CACNA1E: variants seen among roughly 807,000 people sequenced by gnomAD.
The protein encoded by CACNA1E is voltage-dependent R-type calcium channel subunit alpha-1E.
Under a neutral mutation model 259.2 loss-of-function variants are expected in CACNA1E, and 40 were observed. The observed-to-expected ratio is 0.15, with a 90% CI of 0.12 to 0.20. CACNA1E has a LOEUF of 0.20. Ranked by LOEUF, CACNA1E falls within the 10% of genes least tolerant of loss-of-function variation. The pLI is 1.00. For synonymous variants in CACNA1E, 1,104 were observed against 1,138.5 expected (o/e 0.97, Z 0.61); for missense variants, 1,874 against 3,040.1 (o/e 0.62, Z 9.02).
rs114870411 is a variant in CACNA1E at position 181,675,020 on chromosome 1, A to G, written c.1055+23579A>G. ...TTATAATTAAACAATCAATTTAGCA[A>G]ATTTTCTTTGGGGATTTCCTTTCCT... On this transcript the variant is annotated intron_variant, in intron 7 of 47. Coordinates refer to ENST00000367573, the MANE Select transcript of CACNA1E (RefSeq NM_001205293.3). Among the ~76,000 whole-genome samples the G allele has an allele frequency of 6.0e-3, 916 of 152,192 alleles. 9 individuals are homozygous for G. Among genetic ancestry groups the G allele is most frequent in the African/African-American group, 0.021 (877 of 41,500 alleles).
chr1:181,663,323 G>A (rs1647874813), intron 7 of CACNA1E, among the ~76,000 whole-genome samples: 1 of 152,210 alleles, frequency 6.6e-6, no homozygotes, highest in Non-Finnish European at 1.5e-5. Context: ...GAGACTGAGA[G>A]TGGCTAAGAG....
At position 181,666,223 on chromosome 1, in the gene CACNA1E, T is replaced by G. The variant is rs185382574; in HGVS notation, c.1055+14782T>G. 3.3e-5 allele frequency among the ~76,000 whole-genome samples: 5 copies of G among 152,288 alleles called. No individual in the cohort carries two copies. The East Asian group carries it at 7.7e-4, about 23-fold the overall frequency. On this transcript the variant is annotated intron_variant, in intron 7 of 47. Transcript: ENST00000367573. ...ATTTAATTATAGAATTTGTATACCT[T>G]AGTTATTTATAATGGGATCCCATTG...
In CACNA1E at chr1:181,798,169, C is replaced by T. The variant is rs1441861645; in HGVS notation, c.6400-123C>T. 1.3e-6 allele frequency: 1 copy of T among 750,922 alleles called. No homozygotes were observed. The highest frequency in any genetic ancestry group is 2.2e-6 in the Non-Finnish European group (1 of 450,502). 46.5% of individuals were successfully genotyped at this position (750,922 alleles called of 1,614,324 possible). On this transcript the variant is annotated intron_variant, in intron 47 of 47. Coordinates refer to ENST00000367573, the MANE Select transcript of CACNA1E (RefSeq NM_001205293.3). This position sits in a 1 kb window ranked among gnomAD's most constrained non-coding sequence, Gnocchi z 4.2. ...TTTCCCTGAGTGGATGTGAATACTACAGGGAGCTCCAGCTCAGGCCTCTCC... is the reference window on the plus strand; with the variant it reads ...TTTCCCTGAGTGGATGTGAATACTATAGGGAGCTCCAGCTCAGGCCTCTCC...
chr1:181,556,521 C>T (rs1215586958), intron 3 of CACNA1E, among the ~76,000 whole-genome samples: 1 of 152,230 alleles, frequency 6.6e-6, no homozygotes, highest in Non-Finnish European at 1.5e-5. Flanking sequence ...GCAGGCCAGC[C>T]TGTCTCCCTG....
intron 7 of CACNA1E, among the ~76,000 whole-genome samples, chr1:181,696,891 A>C (rs1014517730): frequency 1.3e-5 from 2 of 152,224 alleles, no homozygotes; most frequent in African/African-American, 4.8e-5. Context: ...AGTGTTTTTC[A>C]TAGGAATCCA....
At chr1:181,380,337 T>G (rs2101992323) in intron 1 of CACNA1E, among the ~76,000 whole-genome samples, 1 of 152,190 alleles carries the variant, frequency 6.6e-6, no homozygotes, top group South Asian at 2.1e-4. Flanking sequence ...AAGTGGTGAC[T>G]TCAGCTTCCA....
chr1:181,654,358 C>T (rs1659015652), intron 7 of CACNA1E, among the ~76,000 whole-genome samples: 1 of 151,756 alleles, frequency 6.6e-6, no homozygotes, highest in Admixed American at 6.6e-5. Context: ...CAAAACAGAA[C>T]AGCAAAATAG....
At chr1:181,538,295 G>A (rs1052006622) in intron 3 of CACNA1E, among the ~76,000 whole-genome samples, 16 of 152,190 alleles carry the variant, frequency 1.1e-4, no homozygotes, top group Non-Finnish European at 2.1e-4. Flanking sequence ...TCAGAGAACT[G>A]AAAAATATAT....
At chr1:181,390,594 G>T (rs1656194657) in intron 1 of CACNA1E, among the ~76,000 whole-genome samples, 1 of 152,102 alleles carries the variant, frequency 6.6e-6, no homozygotes, top group African/African-American at 2.4e-5. Context: ...TGGAAGCGAG[G>T]GCTCAGAGTG....
intron 6 of CACNA1E, among the ~76,000 whole-genome samples, chr1:181,607,006 G>A (rs139040418): frequency 5.3e-5 from 8 of 152,194 alleles, no homozygotes; most frequent in East Asian, 3.9e-4. Flanking sequence ...TACCACCATT[G>A]TAACACTCCA....
intron 6 of CACNA1E, among the ~76,000 whole-genome samples, chr1:181,582,044 C>T (rs555422753): frequency 1.1e-4 from 16 of 152,192 alleles, no homozygotes; most frequent in Middle Eastern, 6.8e-3. Context: ...ACTATAATGC[C>T]CAAAGAGCAA....
At chr1:181,717,009 C>A in intron 10 of CACNA1E, 84 bp from the exon 11 acceptor site, 1 of 1,096,274 alleles carries the variant, frequency 9.1e-7, no homozygotes. Context: ...GGGACTAGAG[C>A]AGCCCATCTT....
chr1:181,355,382 G>C (rs181063203), intron 1 of CACNA1E, among the ~76,000 whole-genome samples: 1 of 152,262 alleles, frequency 6.6e-6, no homozygotes, highest in African/African-American at 2.4e-5. Flanking sequence ...GAGGTCAGGA[G>C]TTTAAGACCA....
At chr1:181,395,221 A>G (rs934708155) in intron 1 of CACNA1E, among the ~76,000 whole-genome samples, 16 of 152,198 alleles carry the variant, frequency 1.1e-4, no homozygotes, top group African/African-American at 3.9e-4. Context: ...TAGATTTAAT[A>G]GCATTCACTG....
chr1:181,567,549 A>G (rs1162569049), intron 3 of CACNA1E, among the ~76,000 whole-genome samples: 5 of 152,236 alleles, frequency 3.3e-5, no homozygotes, highest in Non-Finnish European at 5.9e-5. Flanking sequence ...TGTGTGTGAA[A>G]GAGGAGAAAG....
chr1:181,403,200 A>G (rs758971447), intron 1 of CACNA1E, among the ~76,000 whole-genome samples: 1 of 152,032 alleles, frequency 6.6e-6, no homozygotes, highest in Non-Finnish European at 1.5e-5. Flanking sequence ...AGTTCACAGT[A>G]ATAGTTATTT....
At chr1:181,520,766 A>G (rs1666943134) in intron 3 of CACNA1E, among the ~76,000 whole-genome samples, 1 of 152,198 alleles carries the variant, frequency 6.6e-6, no homozygotes. Context: ...TCCAAGAGTA[A>G]AAGTTGAAAC....
intron 1 of CACNA1E, among the ~76,000 whole-genome samples, chr1:181,380,263 C>A (rs1331018528): frequency 6.6e-6 from 1 of 151,794 alleles, no homozygotes; most frequent in East Asian, 1.9e-4. Flanking sequence ...AAACATACTG[C>A]AAATAATAAA....
At chr1:181,598,137 C>T (rs568893265) in intron 6 of CACNA1E, among the ~76,000 whole-genome samples, 160 of 152,156 alleles carry the variant, frequency 1.1e-3, no homozygotes, top group Non-Finnish European at 1.9e-3. Flanking sequence ...TAGAGGAGGA[C>T]GTGAGAGGAG....
Sources: gnomAD v4.1 joint callset for allele counts (sites outside exome capture counted in the v4.1 genomes callset) on GRCh38, gnomAD v4.1.1 for gene constraint, Gnocchi (gnomAD v3.1) non-coding constraint, MANE v1.5 for transcripts, NCBI Gene and HGNC (gene_info 2026-07-23, HGNC 2026-07-21) for gene names.